The following MERTK variants were observed in gnomAD, a reference collection of about 807,000 sequenced individuals.
MERTK encodes MER proto-oncogene, tyrosine kinase, also known as tyrosine-protein kinase Mer.
Under a neutral mutation model 99.3 loss-of-function variants are expected in MERTK, and 69 were observed. That is an observed-to-expected ratio of 0.70 (90% CI 0.57 to 0.85). The LOEUF is 0.85. MERTK is among the 40% of genes least tolerant of loss of function. MERTK has a pLI of 0.00. For synonymous variants in MERTK, 426 were observed against 467.6 expected, an observed-to-expected ratio of 0.91 and a Z score of 1.15; for missense variants, 1,125 against 1,249.4, an observed-to-expected ratio of 0.90 and a Z score of 1.50.
chr2:112,012,047 G>A (rs1326637172), intron 15 of MERTK, among the ~76,000 whole-genome samples: 2 of 152,216 alleles, frequency 1.3e-5, no homozygotes, highest in Admixed American at 1.3e-4. Context: ...CTAGACTGGG[G>A]GGTGTGGTGT....
intron 2 of MERTK, among the ~76,000 whole-genome samples, chr2:111,932,133 C>T (rs573258427): frequency 9.2e-5 from 14 of 152,190 alleles, no homozygotes; most frequent in African/African-American, 3.4e-4. Flanking sequence ...CTTATTTGAC[C>T]TCCAAACTAA....
intron 7 of MERTK, among the ~76,000 whole-genome samples, chr2:111,981,580 A>G (rs1432749817): frequency 6.6e-6 from 1 of 152,188 alleles, no homozygotes; most frequent in Non-Finnish European, 1.5e-5. Context: ...AATGAATATA[A>G]CATCACCTAC....
At chr2:111,942,707 G>T (rs887246274) in intron 2 of MERTK, among the ~76,000 whole-genome samples, 3 of 152,112 alleles carry the variant, frequency 2.0e-5, no homozygotes, top group Admixed American at 6.6e-5. Flanking sequence ...TCCTACAAAA[G>T]AACGAGGGGA....
chr2:112,021,799 T>C (rs1433117270), intron 17 of MERTK, among the ~76,000 whole-genome samples: 1 of 152,198 alleles, frequency 6.6e-6, no homozygotes, highest in African/African-American at 2.4e-5. Context: ...ATGTGTGCTT[T>C]GCAAAAGCCC....
intron 7 of MERTK, among the ~76,000 whole-genome samples, chr2:111,980,462 A>G (rs1412694640): frequency 1.7e-5 from 2 of 121,190 alleles, no homozygotes; most frequent in Non-Finnish European, 3.2e-5. Flanking sequence ...TCTTTCGCCC[A>G]GGCCGGACTG....
In MERTK at chr2:112,023,142, C is replaced by T. The variant is rs138270572; in HGVS notation, c.2486+748C>T. Among the ~76,000 whole-genome samples the T allele has an allele frequency of 6.6e-5, 10 of 152,134 alleles. No homozygotes were observed. The South Asian group carries it at 8.3e-4, about 13-fold the overall frequency. On this transcript the variant is annotated intron_variant, in intron 18 of 18. Coordinates refer to ENST00000295408, the MANE Select transcript of MERTK (RefSeq NM_006343.3). ...AAAAATAATAAAATAAGGCCGAGTG[C>T]GGTGGCTCACGCTTGTAATCCCAGC...
intron 1 of MERTK, among the ~76,000 whole-genome samples, chr2:111,903,273 A>G (rs1684079069): frequency 1.3e-5 from 2 of 152,042 alleles, no homozygotes; most frequent in African/African-American, 4.8e-5. Flanking sequence ...ATCTTTTCCT[A>G]CTGGCTTTTC....
Position 111,947,895 on chromosome 2 carries a change from C to T in MERTK, c.757+328C>T, listed in dbSNP as rs182802747. Reference sequence around the variant, plus strand: ...GGCCTTGCTGGTCTGTCAGGTCTTGCGTTTATGGAACCACTGACGTGAAGA... The same window carrying T: ...GGCCTTGCTGGTCTGTCAGGTCTTGTGTTTATGGAACCACTGACGTGAAGA... On this transcript the variant is annotated intron_variant, in intron 4 of 18. Coordinates refer to ENST00000295408, the MANE Select transcript of MERTK (RefSeq NM_006343.3). Among the ~76,000 whole-genome samples, 183 of 152,202 alleles carry T rather than the reference C, an allele frequency of 1.2e-3. 3 individuals carry two copies. Among genetic ancestry groups the T allele is most frequent in the East Asian group, 9.3e-3 (48 of 5,184 alleles).
chr2:111,900,487 G>A (rs1684023071), intron 1 of MERTK, among the ~76,000 whole-genome samples: 1 of 152,178 alleles, frequency 6.6e-6, no homozygotes, highest in Non-Finnish European at 1.5e-5. Context: ...TAGTCTTGGA[G>A]GTAGTGAATG....
chr2:112,016,803 C>T (rs1677225820), intron 15 of MERTK, among the ~76,000 whole-genome samples: 1 of 152,226 alleles, frequency 6.6e-6, no homozygotes, highest in African/African-American at 2.4e-5. Flanking sequence ...ATATTCTACA[C>T]TGCTGACTGG....
At chr2:111,973,506 G>C (rs1386714374) in intron 6 of MERTK, among the ~76,000 whole-genome samples, 1 of 152,150 alleles carries the variant, frequency 6.6e-6, no homozygotes, top group African/African-American at 2.4e-5. Context: ...TGGAATTCCA[G>C]AATGTTTATT....
intron 4 of MERTK, 107 bp from the exon 5 acceptor site, chr2:111,965,084 A>G: frequency 8.8e-7 from 1 of 1,132,276 alleles, no homozygotes; most frequent in Admixed American, 2.0e-5. Flanking sequence ...ACTAATGCCC[A>G]AAAGCCATGA....
At chr2:111,996,872 G>A (rs1184887014) in intron 9 of MERTK, 1 of 218,014 alleles carries the variant, frequency 4.6e-6, no homozygotes, top group Non-Finnish European at 9.4e-6. Flanking sequence ...ATGACTAGAA[G>A]GCAAACTATT....
At chr2:112,004,081 T>G (rs1676931329) in intron 13 of MERTK, 97 bp downstream of exon 13, 2 of 1,062,158 alleles carry the variant, frequency 1.9e-6, no homozygotes, top group East Asian at 4.8e-5. Context: ...CAGTTCCCAG[T>G]GGGCCAGAAG....
chr2:111,900,733 A>G (rs978680720), intron 1 of MERTK, among the ~76,000 whole-genome samples: 3 of 152,220 alleles, frequency 2.0e-5, no homozygotes, highest in East Asian at 1.9e-4. Flanking sequence ...AACTTTACCT[A>G]TGAGATGTGT....
At chr2:111,931,876 A>G (rs1420292500) in intron 2 of MERTK, among the ~76,000 whole-genome samples, 1 of 152,132 alleles carries the variant, frequency 6.6e-6, no homozygotes, top group Non-Finnish European at 1.5e-5. Flanking sequence ...TTCCAAAGGA[A>G]GAGATGGACT....
Position 111,965,199 on chromosome 2 carries a change from G to A in MERTK, c.766G>A (p.Glu256Lys). 6.2e-7 allele frequency: 1 copy of A among 1,614,212 alleles called. No individual in the cohort carries two copies. The highest frequency in any genetic ancestry group is 8.5e-7 in the Non-Finnish European group (1 of 1,180,030). ...GTCTCCTTCCATTCCAGGCCTGACG[G>A]AGATGGCGGTCTTCAGTTGTGAGGC... The part of the protein sequence containing the change: ...PSVLTVPGLT[E>K]MAVFSCEAHN... Residue 256 changes from glutamate (E) to lysine (K), a missense_variant, in exon 5 of 19, where the codon GAG (glutamate) becomes AAG (lysine). Transcript: ENST00000295408.
chr2:111,989,634 C>G (rs1247529467), intron 8 of MERTK, among the ~76,000 whole-genome samples: 1 of 152,154 alleles, frequency 6.6e-6, no homozygotes, highest in Non-Finnish European at 1.5e-5. Flanking sequence ...GGATTACAGG[C>G]GTAAGCCACC....
At chr2:112,026,714 C>T (rs991453612) in intron 18 of MERTK, among the ~76,000 whole-genome samples, 4 of 152,114 alleles carry the variant, frequency 2.6e-5, no homozygotes, top group African/African-American at 4.8e-5. Flanking sequence ...CTCCAGCTTC[C>T]GGATGCGTGT....
Sources: gnomAD v4.1 joint callset for allele counts (sites outside exome capture counted in the v4.1 genomes callset) on GRCh38, gnomAD v4.1.1 for gene constraint, MANE v1.5 for transcripts, NCBI Gene and HGNC (gene_info 2026-07-23, HGNC 2026-07-21) for gene names.